EMSY: variants seen among roughly 807,000 people sequenced by gnomAD.
EMSY encodes BRCA2-interacting transcriptional repressor EMSY.
A neutral mutation model predicts 134.6 loss-of-function variants in EMSY; 26 were observed. That is an observed-to-expected ratio of 0.19 (90% CI 0.14 to 0.27). The LOEUF (loss-of-function observed/expected upper bound fraction) is 0.27, where lower values mean the gene tolerates loss of function less well. EMSY is among the 10% of genes least tolerant of loss of function. The pLI, the probability that EMSY is intolerant of heterozygous loss-of-function variation, is 1.00. For missense variants in EMSY, 1,305 were observed against 1,611.4 expected, an observed-to-expected ratio of 0.81 and a Z score of 3.26; for synonymous variants, 579 against 577.8, an observed-to-expected ratio of 1.00 and a Z score of -0.03.
chr11:76,533,794 T>C (rs1267912686), intron 14 of EMSY, among the ~76,000 whole-genome samples: 3 of 152,156 alleles, frequency 2.0e-5, no homozygotes, highest in African/African-American at 7.2e-5. Context: ...ATGCAGGAAG[T>C]CTAGATGAAC....
At chr11:76,493,234 C>T (rs1419542238) in intron 8 of EMSY, among the ~76,000 whole-genome samples, 1 of 152,214 alleles carries the variant, frequency 6.6e-6, no homozygotes, top group Non-Finnish European at 1.5e-5. Flanking sequence ...CCCCTGCCGC[C>T]TGAACCGCCC....
At chr11:76,449,478 T>TAATG (rs1470945295) in intron 2 of EMSY, among the ~76,000 whole-genome samples, 3 of 152,244 alleles carry the variant, frequency 2.0e-5, no homozygotes, top group African/African-American at 7.2e-5. Flanking sequence ...TTCTCTGAAG[T>TAATG]AATGTCTTGA....
At chr11:76,464,222 C>A in intron 7 of EMSY, 142 bp downstream of exon 8, 1 of 1,075,590 alleles carries the variant, frequency 9.3e-7, no homozygotes, top group Non-Finnish European at 1.3e-6. Context: ...TTTAATTTTC[C>A]AGATAAGGCT....
At chr11:76,477,604 G>T (rs1191636219) in intron 8 of EMSY, among the ~76,000 whole-genome samples, 1 of 152,020 alleles carries the variant, frequency 6.6e-6, no homozygotes, top group African/African-American at 2.4e-5. Flanking sequence ...TTAATTTGGT[G>T]GTTATAAGTC....
chr11:76,458,061 G>C (rs1405426513), intron 4 of EMSY, 122 bp from the exon 6 acceptor site: 3 of 750,480 alleles, frequency 4.0e-6, no homozygotes, highest in Non-Finnish European at 5.9e-6. Flanking sequence ...TTAAAATAAA[G>C]CCTCTCCTAT....
In EMSY at chr11:76,542,371, G is replaced by A. The variant is rs1176542857; in HGVS notation, c.2709+4G>A. 1 of 1,613,570 alleles carries A rather than the reference G, an allele frequency of 6.2e-7. No individual in the cohort carries two copies. The highest frequency in any genetic ancestry group is 1.7e-5 in the Admixed American group (1 of 60,024). ...AATCACCCACATTATGCAGCAGGTT[G>A]TATCTCTTCTTTTTCTTCCTATCTT... On this transcript the variant is annotated splice_donor_region_variant and intron_variant, in intron 18 of 20. Transcript: ENST00000334736.
At position 76,472,525 on chromosome 11, in the gene EMSY, T is replaced by C; in HGVS notation, c.832-39T>C. On this transcript the variant is annotated intron_variant, in intron 7 of 20. Coordinates refer to ENST00000334736, the Ensembl canonical transcript of EMSY. ...TGTGAGTCTAGATACATTAGTAGTT[T>C]AGTAGGTACATAAAAATAACTTATT... 3 of 1,563,418 alleles carry C rather than the reference T, an allele frequency of 1.9e-6. No homozygotes were observed. In the South Asian group the frequency reaches 3.4e-5, roughly 18 times the overall value.
intron 4 of EMSY, chr11:76,453,645 A>G: frequency 3.5e-6 from 1 of 288,540 alleles, no homozygotes; most frequent in Non-Finnish European, 6.5e-6. Flanking sequence ...AAAAATCACC[A>G]CAATTTAGCA....
intron 3 of EMSY, 51 bp downstream of exon 3, chr11:76,452,008 T>G: frequency 2.7e-5 from 32 of 1,173,488 alleles, no homozygotes; most frequent in Non-Finnish European, 3.3e-5. Flanking sequence ...TTTTGGGGGA[T>G]TTTATTACTT....
At chr11:76,469,220 T>G (rs971944179) in intron 7 of EMSY, among the ~76,000 whole-genome samples, 23 of 152,252 alleles carry the variant, frequency 1.5e-4, no homozygotes, top group Admixed American at 1.4e-3. Flanking sequence ...CAAGTGTGAA[T>G]GCTTCCCTTG....
intron 8 of EMSY, among the ~76,000 whole-genome samples, chr11:76,486,466 CAA>C (rs1465233706): frequency 3.9e-5 from 6 of 152,126 alleles, no homozygotes; most frequent in Admixed American, 6.5e-5. Flanking sequence ...GGATGATTTT[CAA>C]AAAGAGTTTA....
At chr11:76,459,986 G>C (rs1449398525) in exon 6 of EMSY, 1 of 1,614,194 alleles carries the variant, frequency 6.2e-7, no homozygotes, top group Non-Finnish European at 8.5e-7. Flanking sequence ...CTCTACCCCT[G>C]TTCCAAGTGG....
At position 76,516,321 on chromosome 11, in the gene EMSY, A is replaced by G. The variant is rs1216224051; in HGVS notation, c.1684+9A>G. 6.3e-7 allele frequency: 1 copy of G among 1,594,624 alleles called. No individual in the cohort carries two copies. Among genetic ancestry groups the G allele is most frequent in the African/African-American group, 1.3e-5 (1 of 74,332 alleles). ...CAGTAATATAGTTTCTGGTAGGTATATCTGAAATATGTTAAAGGTATAGGT... is the reference window on the plus strand; with the variant it reads ...CAGTAATATAGTTTCTGGTAGGTATGTCTGAAATATGTTAAAGGTATAGGT... On this transcript the variant is annotated intron_variant, in intron 11 of 20. Transcript: ENST00000334736.
chr11:76,544,602 T>C (rs1417847923), exon 19 of EMSY: 3 of 1,613,950 alleles, frequency 1.9e-6, no homozygotes, highest in South Asian at 1.1e-5. Flanking sequence ...AAGCCAGATG[T>C]ACAGCACACA....
chr11:76,456,246 C>A (rs575525058), intron 4 of EMSY, among the ~76,000 whole-genome samples: 29 of 152,288 alleles, frequency 1.9e-4, no homozygotes, highest in African/African-American at 7.0e-4. Context: ...CTAATTCTAA[C>A]ATGATACTTA....
chr11:76,460,032 G>C (rs1232874517), exon 6 of EMSY: 1 of 1,614,152 alleles, frequency 6.2e-7, no homozygotes, highest in Non-Finnish European at 8.5e-7. Flanking sequence ...AGACCTGCCA[G>C]TCCTGCCTCC....
chr11:76,526,403 G>A (rs1590977186), intron 12 of EMSY, 59 bp from the exon 14 acceptor site: 1 of 1,287,428 alleles, frequency 7.8e-7, no homozygotes, highest in East Asian at 2.6e-5. Flanking sequence ...TTTTCAGTGA[G>A]AGGACTTTAT....
chr11:76,521,231 GA>G (rs1950626563), intron 11 of EMSY, among the ~76,000 whole-genome samples: 1 of 152,170 alleles, frequency 6.6e-6, no homozygotes, highest in Admixed American at 6.5e-5. Flanking sequence ...CAAAATGGTA[GA>G]TTAAGGGACA....
intron 9 of EMSY, among the ~76,000 whole-genome samples, chr11:76,503,300 C>CAAAAAA (rs61098325): frequency 3.3e-4 from 23 of 70,690 alleles, no homozygotes; most frequent in East Asian, 8.7e-4. Flanking sequence ...GGCGTGGTCT[C>CAAAAAA]AAAAAAAAAA....
Sources: allele counts gnomAD v4.1 joint callset (sites outside exome capture counted in the v4.1 genomes callset), GRCh38; gene constraint gnomAD v4.1.1; transcripts MANE v1.5; gene names NCBI Gene and HGNC (gene_info 2026-07-23, HGNC 2026-07-21).